Variants in RNF213 observed in about 807,000 individuals in gnomAD.
The protein encoded by RNF213 is E3 ubiquitin-protein ligase RNF213.
Under a neutral mutation model 514.4 loss-of-function variants are expected in RNF213, and 341 were observed. The ratio of observed to expected loss-of-function variants is 0.66; its 90% CI spans 0.61 to 0.73. RNF213 has a LOEUF of 0.73. Among genes scored for constraint, RNF213 ranks in the 30% least tolerant of loss-of-function variants. The pLI, the probability that RNF213 is intolerant of heterozygous loss-of-function variation, is 0.00. For missense variants in RNF213, 5,767 were observed against 6,615.6 expected (o/e 0.87, Z 4.45); for synonymous variants, 2,655 against 2,658.2 (o/e 1.00, Z 0.04).
intron 65 of RNF213, 45 bp from the exon 66 acceptor site, chr17:80,389,783 G>A: frequency 6.6e-7 from 1 of 1,517,502 alleles, no homozygotes; most frequent in Non-Finnish European, 9.1e-7. Flanking sequence ...ATGAGTGGGG[G>A]TGTGAGACCT....
chr17:80,355,857 C>G (rs1043350814), intron 36 of RNF213, among the ~76,000 whole-genome samples: 1 of 151,450 alleles, frequency 6.6e-6, no homozygotes, highest in East Asian at 1.9e-4. Context: ...TGGGGACTTA[C>G]AGACACCTTC....
chr17:80,345,265 C>T lies in RNF213; in HGVS notation c.6930C>T (p.Asp2310=), dbSNP rs368942647. The T allele has an allele frequency of 1.2e-5, 19 of 1,614,072 alleles. No homozygotes were observed. In the Middle Eastern group the frequency reaches 6.6e-4, roughly 56 times the overall value. ...SEPHPYVFFN[D]DHTTMTFIGF... ...CTCACCCATACGTTTTCTTCAATGA[C>T]GACCACACAACCATGACATTCATCG... The change falls in exon 29 of 68, where the codon GAC becomes GAT. Residue 2310 remains aspartate (D), a synonymous_variant. Transcript: ENST00000582970. This position sits in a 1 kb window ranked among gnomAD's most constrained non-coding sequence, Gnocchi z 6.0.
chr17:80,332,987 A>G (rs1006833721), intron 21 of RNF213, among the ~76,000 whole-genome samples: 1 of 151,974 alleles, frequency 6.6e-6, no homozygotes, highest in Admixed American at 6.6e-5. Context: ...GCCCAACTGC[A>G]TCTCCCAGTT....
chr17:80,380,805 G>A (rs1448987665), intron 55 of RNF213, 26 bp from the exon 56 acceptor site: 1 of 1,614,130 alleles, frequency 6.2e-7, no homozygotes, highest in East Asian at 2.2e-5. Context: ...CTCAGCCTCT[G>A]TCTTGTGTTC....
Position 80,377,727 on chromosome 17 carries a change from C to G in RNF213, c.13511-35C>G, listed in dbSNP as rs780724451. On this transcript the variant is annotated intron_variant, in intron 53 of 67. Transcript: ENST00000582970. This position sits in a 1 kb window ranked among gnomAD's most constrained non-coding sequence, Gnocchi z 4.1. ...TTCAATGTGGGTCATTGGGTGAAAC[C>G]TCATTAGCCAATGTGTGTCCTGTTC... The G allele has an allele frequency of 1.6e-5, 26 of 1,613,614 alleles. No homozygotes were observed. In the South Asian group the frequency reaches 2.5e-4, roughly 16 times the overall value.
In RNF213 at chr17:80,291,961, G is replaced by A. The variant is rs563830488; in HGVS notation, c.1471+134G>A. ...GTCCTCTTTGCTCTGCATTGACCCC[G>A]CCCCAGCCTCCAGGTTCAGTGACAC... On this transcript the variant is annotated intron_variant, in intron 8 of 67. Coordinates refer to ENST00000582970, the MANE Select transcript of RNF213 (RefSeq NM_001256071.3). The A allele has an allele frequency of 4.4e-5, 40 of 902,696 alleles. 1 individual carries two copies. The highest frequency in any genetic ancestry group is 2.7e-4 in the South Asian group (19 of 71,422). 55.9% of individuals were successfully genotyped at this position (902,696 alleles called of 1,614,324 possible). A position where few individuals can be genotyped will look rare whatever the true frequency, so the allele number is the denominator to read the frequency against.
rs2078227880 is a variant in RNF213, at chr17:80,343,724, C to T, written c.6184-133C>T. 8.6e-6 allele frequency: 8 copies of T among 926,600 alleles called. No individual in the cohort carries two copies. The highest frequency in any genetic ancestry group is 2.7e-5 in the South Asian group (2 of 75,322). 57.4% of individuals were successfully genotyped at this position (926,600 alleles called of 1,614,324 possible). On this transcript the variant is annotated intron_variant, in intron 27 of 67. Coordinates refer to ENST00000582970, the MANE Select transcript of RNF213 (RefSeq NM_001256071.3). This position sits in a 1 kb window ranked among gnomAD's most constrained non-coding sequence, Gnocchi z 4.3. ...TGGGGCTGCCCTTGGAGACATGGGC[C>T]GTTGTTGGCTGAAATGTTGATGTTG... is the stretch of plus-strand genomic sequence containing the variant.
intron 3 of RNF213, among the ~76,000 whole-genome samples, chr17:80,273,911 C>T (rs79206840): frequency 0.028 from 4,280 of 152,132 alleles, 92 homozygotes; most frequent in East Asian, 0.11. Flanking sequence ...TGAGCCACCG[C>T]GCCCGGCCTC....
chr17:80,344,344 G>A (rs2078244918), intron 28 of RNF213, among the ~76,000 whole-genome samples: 1 of 152,202 alleles, frequency 6.6e-6, no homozygotes. Flanking sequence ...TGCCAGCTAA[G>A]ATGAGAAGGA....
At chr17:80,385,799 G>A (rs2080212900) in intron 61 of RNF213, among the ~76,000 whole-genome samples, 178 bp downstream of exon 61, 1 of 152,152 alleles carries the variant, frequency 6.6e-6, no homozygotes, top group Non-Finnish European at 1.5e-5. Flanking sequence ...TCGGCTCACT[G>A]CAACCTCTGC....
Position 80,318,659 on chromosome 17 carries a change from C to T in RNF213, c.2902-531C>T, listed in dbSNP as rs531711817. ...CGGGATCTCGGCTCACTGCAAACTCCGCCTCCCGGGTTCACGCCATTCTCC... is the reference window on the plus strand; with the variant it reads ...CGGGATCTCGGCTCACTGCAAACTCTGCCTCCCGGGTTCACGCCATTCTCC... On this transcript the variant is annotated intron_variant, in intron 16 of 67. Coordinates refer to ENST00000582970, the MANE Select transcript of RNF213 (RefSeq NM_001256071.3). Among the ~76,000 whole-genome samples, 32 of 152,216 alleles carry T rather than the reference C, an allele frequency of 2.1e-4. No homozygotes were observed. The East Asian group carries it at 4.6e-3, about 22-fold the overall frequency.
At chr17:80,329,724 G>A (rs2046364587) in intron 20 of RNF213, among the ~76,000 whole-genome samples, 1 of 152,110 alleles carries the variant, frequency 6.6e-6, no homozygotes, top group Non-Finnish European at 1.5e-5. Context: ...CCAACTACTT[G>A]GGAGGCTGAG....
rs1022569678 is a variant in RNF213 at position 80,345,373 on chromosome 17, G to C, written c.7038G>C (p.Met2346Ile). ...LTGKVIKRDV[M>I]TRDLYQGLLL... ...GGAAGGTCATCAAGAGAGACGTCAT[G>C]ACCAGGGACCTGTACCAGGGCCTGC... Residue 2346 changes from methionine (M) to isoleucine (I), a missense_variant, in exon 29 of 68, where the codon ATG (methionine) becomes ATC (isoleucine). Met to Ile is a conservative substitution (Grantham distance 10). Around this residue, in one of 13 missense-constraint regions of RNF213, gnomAD observed 1,377 missense variants for 1,635.2 expected, o/e 0.84. Transcript: ENST00000582970. The surrounding 1 kb of genome is among the most constrained non-coding windows in gnomAD (Gnocchi z 6.0). 3 of 1,614,086 alleles carry C rather than the reference G, an allele frequency of 1.9e-6. No homozygotes were observed. Among genetic ancestry groups the C allele is most frequent in the Non-Finnish European group, 2.5e-6 (3 of 1,180,030 alleles).
At chr17:80,355,545 G>A (rs1229540834) in intron 36 of RNF213, among the ~76,000 whole-genome samples, 1 of 102,132 alleles carries the variant, frequency 9.8e-6, no homozygotes, top group African/African-American at 4.2e-5. Context: ...CGGGGTGGAC[G>A]GGAATGGGGG....
intron 36 of RNF213, chr17:80,355,275 C>T (rs1044668889): frequency 2.2e-6 from 1 of 449,218 alleles, no homozygotes; most frequent in African/African-American, 2.1e-5. Flanking sequence ...TTTGGGCCTA[C>T]AGCCAGGTGT....
intron 58 of RNF213, 46 bp downstream of exon 58, chr17:80,383,116 G>T (rs746188573): frequency 2.9e-6 from 4 of 1,390,458 alleles, no homozygotes; most frequent in Non-Finnish European, 4.1e-6. Flanking sequence ...GGTCCAGAAA[G>T]GAAGGGTCCC....
chr17:80,283,431 G>A (rs886266499), intron 3 of RNF213, among the ~76,000 whole-genome samples: 12 of 152,208 alleles, frequency 7.9e-5, no homozygotes, highest in African/African-American at 2.7e-4. Flanking sequence ...ACTGGATCAC[G>A]GTCCCTCCAA....
intron 7 of RNF213, among the ~76,000 whole-genome samples, chr17:80,291,082 G>T (rs1252591406): frequency 6.6e-6 from 1 of 152,126 alleles, no homozygotes; most frequent in African/African-American, 2.4e-5. Flanking sequence ...AAAGTGCTGG[G>T]ATTACAGGCA....
At chr17:80,261,663 A>C (rs1311538638) in intron 1 of RNF213, among the ~76,000 whole-genome samples, 1 of 152,228 alleles carries the variant, frequency 6.6e-6, no homozygotes, top group East Asian at 1.9e-4. Context: ...TGAATGCAAC[A>C]GTGTTGGGTG....
Sources: gnomAD v4.1 joint callset for allele counts (sites outside exome capture counted in the v4.1 genomes callset) on GRCh38, gnomAD v4.1.1 for gene constraint, gnomAD v4.1.1 regional missense constraint, Gnocchi (gnomAD v3.1) non-coding constraint, MANE v1.5 for transcripts, NCBI Gene and HGNC (gene_info 2026-07-23, HGNC 2026-07-21) for gene names.